CLPSL1: variants seen among roughly 807,000 people sequenced by gnomAD.
CLPSL1 encodes colipase like 1, also known as colipase-like protein 1.
Under a neutral mutation model 9.3 loss-of-function variants are expected in CLPSL1, and 13 were observed. The observed-to-expected ratio is 1.40, with a 90% CI of 0.91 to 2.22. CLPSL1 has a LOEUF of 2.22. Among genes scored for constraint, CLPSL1 ranks in the 30% most tolerant of loss-of-function variants. The pLI is 0.00. For synonymous variants in CLPSL1, 58 were observed against 56.9 expected (o/e 1.02, Z -0.08); for missense variants, 164 against 146.6 (o/e 1.12, Z -0.61).
At chr6:35,783,535 G>A (rs527904017) in intron 1 of CLPSL1, among the ~76,000 whole-genome samples, 7 of 151,164 alleles carry the variant, frequency 4.6e-5, no homozygotes, top group East Asian at 3.9e-4. Context: ...GGCTGGGCGC[G>A]GTGGCTCATG....
chr6:35,788,024 T>C lies in CLPSL1; in HGVS notation c.*14T>C. 6.3e-7 allele frequency: 1 copy of C among 1,599,010 alleles called. No individual in the cohort carries two copies. The highest frequency in any genetic ancestry group is 8.6e-7 in the Non-Finnish European group (1 of 1,167,666). ...ATGTTCTTCTAGTGCTCCCTCCTTC[T>C]TGCTGCCTCCTCCTCCTCCACCTGC... On this transcript the variant is annotated 3_prime_UTR_variant, in exon 3 of 3. Transcript: ENST00000373861.
chr6:35,791,501 G>C (rs188865680), downstream of CLPSL1, among the ~76,000 whole-genome samples: 1 of 152,086 alleles, frequency 6.6e-6, no homozygotes, highest in South Asian at 2.1e-4. Flanking sequence ...CCAGCTACTC[G>C]GGAGGCTGAG....
chr6:35,789,989 C>G (rs1355310298), downstream of CLPSL1, among the ~76,000 whole-genome samples: 1 of 152,250 alleles, frequency 6.6e-6, no homozygotes, highest in Non-Finnish European at 1.5e-5. Context: ...TGCAGTGGCT[C>G]CATCTCAGCT....
chr6:35,786,773 C>T (rs1020017706), intron 1 of CLPSL1, among the ~76,000 whole-genome samples: 5 of 56,496 alleles, frequency 8.9e-5, no homozygotes, highest in African/African-American at 1.4e-4. Context: ...ATGTTGAGGA[C>T]ACCAAGAGTA....
chr6:35,781,739 T>G (rs1767970735), intron 1 of CLPSL1, among the ~76,000 whole-genome samples: 1 of 129,848 alleles, frequency 7.7e-6, no homozygotes, highest in South Asian at 2.5e-4. Context: ...TTTTTTTTTT[T>G]TTTCTTTTTC....
In CLPSL1 at chr6:35,787,218, G is replaced by A. The variant is rs536070448; in HGVS notation, c.222+98G>A. On this transcript the variant is annotated intron_variant, in intron 2 of 2. Coordinates refer to ENST00000373861, the MANE Select transcript of CLPSL1 (RefSeq NM_001010886.5). ...GGGGAGGAAAGAAGGGTAGGTGGGC[G>A]GAAATGCCCTGGAGCCTGGAATTCC... 5.1e-5 allele frequency: 71 copies of A among 1,389,104 alleles called. No homozygotes were observed. The African/African-American group carries it at 9.1e-4, about 18-fold the overall frequency. The allele number at this position is 1,389,104 out of a possible 1,614,324, so 86.0% of individuals were successfully genotyped here.
At position 35,787,412 on chromosome 6, in the gene CLPSL1, AC is replaced by A. The variant is rs1768104990; in HGVS notation, c.222+293del. Among the ~76,000 whole-genome samples the A allele has an allele frequency of 3.9e-5, 6 of 152,390 alleles. No individual in the cohort carries two copies. The South Asian group carries it at 1.2e-3, about 32-fold the overall frequency. On this transcript the variant is annotated intron_variant, in intron 2 of 2. Coordinates refer to ENST00000373861, the MANE Select transcript of CLPSL1 (RefSeq NM_001010886.5). Reference sequence around the variant, plus strand: ...CTTCTCAGCAAATTCCGAAAGTAGTACAGTAAATGGGCACAGCTAGGTCCAG... The same window carrying A: ...CTTCTCAGCAAATTCCGAAAGTAGTAAGTAAATGGGCACAGCTAGGTCCAG...
intron 1 of CLPSL1, among the ~76,000 whole-genome samples, chr6:35,782,893 T>C (rs1241108969): frequency 2.0e-5 from 3 of 152,124 alleles, no homozygotes; most frequent in Non-Finnish European, 2.9e-5. Flanking sequence ...CTGCCTTATT[T>C]TCTTTATAGC....
chr6:35,783,095 A>T (rs1256586847), intron 1 of CLPSL1, among the ~76,000 whole-genome samples: 7 of 152,054 alleles, frequency 4.6e-5, no homozygotes, highest in Admixed American at 1.3e-4. Context: ...CATTTTCATT[A>T]CCCCAAAAGC....
chr6:35,786,079 G>T (rs2151060976), intron 1 of CLPSL1, among the ~76,000 whole-genome samples: 1 of 152,070 alleles, frequency 6.6e-6, no homozygotes, highest in East Asian at 1.9e-4. Flanking sequence ...AGCCTGGCCA[G>T]CATGGCGAAA....
At chr6:35,782,660 C>T (rs1347441359) in intron 1 of CLPSL1, among the ~76,000 whole-genome samples, 1 of 152,118 alleles carries the variant, frequency 6.6e-6, no homozygotes, top group Non-Finnish European at 1.5e-5. Flanking sequence ...GGGGCCAGGC[C>T]AGGTGTGGAT....
intron 1 of CLPSL1, among the ~76,000 whole-genome samples, chr6:35,783,067 T>C (rs1459822484): frequency 1.3e-5 from 2 of 152,070 alleles, no homozygotes; most frequent in Non-Finnish European, 2.9e-5. Context: ...ATCACTACCG[T>C]CAGAACAAGA....
chr6:35,792,266 C>G (rs1244728607), downstream of CLPSL1, among the ~76,000 whole-genome samples: 1 of 151,496 alleles, frequency 6.6e-6, no homozygotes, highest in Non-Finnish European at 1.5e-5. Context: ...AGAGTGAGAC[C>G]CTGTCTCAAA....
intron 1 of CLPSL1, among the ~76,000 whole-genome samples, chr6:35,784,537 A>C (rs531845272): frequency 6.6e-6 from 1 of 152,292 alleles, no homozygotes; most frequent in East Asian, 1.9e-4. Context: ...GGGAGGCTTC[A>C]AATTTTATTT....
At chr6:35,782,146 C>G (rs534534648) in intron 1 of CLPSL1, among the ~76,000 whole-genome samples, 1 of 152,094 alleles carries the variant, frequency 6.6e-6, no homozygotes, top group African/African-American at 2.4e-5. Context: ...CCTTCCTAAC[C>G]GGCAAAGCAG....
downstream of CLPSL1, chr6:35,793,789 C>T (rs538460615): frequency 4.3e-5 from 15 of 351,668 alleles, no homozygotes; most frequent in East Asian, 6.0e-4. Context: ...GGGACGACAT[C>T]GAAGTTTCAT....
Position 35,784,558 on chromosome 6 carries a change from C to T in CLPSL1, c.100-2440C>T, listed in dbSNP as rs565239790. 1.2e-3 allele frequency among the ~76,000 whole-genome samples: 187 copies of T among 152,260 alleles called. 2 individuals are homozygous for T. The highest frequency in any genetic ancestry group is 4.3e-3 in the African/African-American group (178 of 41,548). On this transcript the variant is annotated intron_variant, in intron 1 of 2. Coordinates refer to ENST00000373861, the MANE Select transcript of CLPSL1 (RefSeq NM_001010886.5). ...CTTCAAATTTTATTTTTGGTTTACA[C>T]TAGCCACATATAGTTACTTAGATTT...
chr6:35,788,591 C>T (rs1476955279), downstream of CLPSL1, among the ~76,000 whole-genome samples: 1 of 152,244 alleles, frequency 6.6e-6, no homozygotes, highest in Non-Finnish European at 1.5e-5. Flanking sequence ...CTCTGTTTTA[C>T]AGGTAGGGAA....
At chr6:35,792,304 A>G (rs1272281719), downstream of CLPSL1, among the ~76,000 whole-genome samples, 1 of 152,228 alleles carries the variant, frequency 6.6e-6, no homozygotes, top group East Asian at 1.9e-4. Flanking sequence ...AATACACCTA[A>G]CCTACTGAAT....
Sources: allele counts gnomAD v4.1 joint callset (sites outside exome capture counted in the v4.1 genomes callset), GRCh38; gene constraint gnomAD v4.1.1; transcripts MANE v1.5; gene names NCBI Gene and HGNC (gene_info 2026-07-23, HGNC 2026-07-21).